The following ACTL6B variants were observed in gnomAD, a reference collection of about 807,000 sequenced individuals.
The protein encoded by ACTL6B is actin-like protein 6B.
Under a neutral mutation model 63.3 loss-of-function variants are expected in ACTL6B, and 48 were observed. The observed-to-expected ratio is 0.76, with a 90% CI of 0.60 to 0.96. The LOEUF (loss-of-function observed/expected upper bound fraction) is 0.96, where lower values mean the gene tolerates loss of function less well. Among genes scored for constraint, ACTL6B ranks in the 50% least tolerant of loss-of-function variants. The pLI is 0.00. For synonymous variants in ACTL6B, 230 were observed against 223.8 expected (o/e 1.03, Z -0.25); for missense variants, 350 against 572.2 (o/e 0.61, Z 3.96).
Position 100,648,884 on chromosome 7 carries a change from TC to T in ACTL6B, c.468-62del. 6.6e-7 allele frequency: 1 copy of T among 1,506,436 alleles called. No individual in the cohort carries two copies. Among genetic ancestry groups the T allele is most frequent in the Non-Finnish European group, 9.0e-7 (1 of 1,111,674 alleles). 93.3% of individuals were successfully genotyped at this position (1,506,436 alleles called of 1,614,324 possible). A position where few individuals can be genotyped will look rare whatever the true frequency, so the allele number is the denominator to read the frequency against. On this transcript the variant is annotated intron_variant, in intron 5 of 13. Coordinates refer to ENST00000160382, the MANE Select transcript of ACTL6B (RefSeq NM_016188.5). The surrounding 1 kb of genome is among the most constrained non-coding windows in gnomAD (Gnocchi z 4.4). ...AGCAAGTGAGGGGCCTGGGCCCAGA[TC>T]TTGTCTGGTCACTCTCTGCTCTACC...
intron 4 of ACTL6B, 42 bp from the exon 5 acceptor site, chr7:100,650,177 G>A (rs1424691193): frequency 6.3e-7 from 1 of 1,582,314 alleles, no homozygotes; most frequent in Admixed American, 1.7e-5. Flanking sequence ...GGAAGGGAGA[G>A]GCACAGACCC....
Position 100,655,021 on chromosome 7 carries a change from G to A in ACTL6B, c.367C>T (p.Pro123Ser). 1 of 1,613,604 alleles carries A rather than the reference G, an allele frequency of 6.2e-7. No homozygotes were observed. Among genetic ancestry groups the A allele is most frequent in the Non-Finnish European group, 8.5e-7 (1 of 1,179,676 alleles). Reference protein sequence around the residue: ...NLHPVLMSEAPWNTRAKREKL... With the variant: ...NLHPVLMSEASWNTRAKREKL... ...ATGAGGATGGAGGAGGCACTCACCG[G>A]AGCCTCGGACATGAGCACTGGGTGC... The change falls in exon 4 of 14, where the codon CCG (proline) becomes TCG (serine). Residue 123 changes from proline (P) to serine (S), a missense_variant and splice_region_variant. Transcript: ENST00000160382. This position sits in a 1 kb window ranked among gnomAD's most constrained non-coding sequence, Gnocchi z 4.4.
In ACTL6B at chr7:100,646,161, G is replaced by T; in HGVS notation, c.1200+88C>A. ...CTAAATGTTTGTTGAATGAATGAAT[G>T]AACGAAGAGGCAGTCAAAGTGGCGG... On this transcript the variant is annotated intron_variant, in intron 13 of 13. Transcript: ENST00000160382. The surrounding 1 kb of genome is among the most constrained non-coding windows in gnomAD (Gnocchi z 6.1). 3 of 1,094,668 alleles carry T rather than the reference G, an allele frequency of 2.7e-6. No homozygotes were observed. The highest frequency in any genetic ancestry group is 1.3e-5 in the South Asian group (1 of 76,822). 67.8% of individuals were successfully genotyped at this position (1,094,668 alleles called of 1,614,324 possible).
intron 4 of ACTL6B, among the ~76,000 whole-genome samples, chr7:100,650,757 T>C (rs1306445642): frequency 6.6e-6 from 1 of 150,658 alleles, no homozygotes; most frequent in East Asian, 1.9e-4. Context: ...GATTGGAACA[T>C]AAAGTGGAGG....
chr7:100,645,963 G>A (rs1405432117), intron 13 of ACTL6B, among the ~76,000 whole-genome samples: 1 of 152,128 alleles, frequency 6.6e-6, no homozygotes. Context: ...GTAGAGATGG[G>A]TCTTGCTATG....
rs1803753769 is a variant in ACTL6B, at chr7:100,643,181, A to G, written c.*65T>C. 8 of 1,423,706 alleles carry G rather than the reference A, an allele frequency of 5.6e-6. No homozygotes were observed. Among genetic ancestry groups the G allele is most frequent in the Non-Finnish European group, 6.9e-6 (7 of 1,009,540 alleles). The allele number at this position is 1,423,706 out of a possible 1,614,324, so 88.2% of individuals were successfully genotyped here. A position where few individuals can be genotyped will look rare whatever the true frequency, so the allele number is the denominator to read the frequency against. On this transcript the variant is annotated 3_prime_UTR_variant, in exon 14 of 14. Transcript: ENST00000160382. Reference sequence around the variant, plus strand: ...CAAGAGGGAAAGGAGGAGGGGGGCAATGTGGCATGGGGGTTAAGGGACTTC... The same window carrying G: ...CAAGAGGGAAAGGAGGAGGGGGGCAGTGTGGCATGGGGGTTAAGGGACTTC...
Position 100,648,861 on chromosome 7 carries a change from C to A in ACTL6B, c.468-38G>T. On this transcript the variant is annotated intron_variant, in intron 5 of 13. Transcript: ENST00000160382. The surrounding 1 kb of genome is among the most constrained non-coding windows in gnomAD (Gnocchi z 4.4). Reference sequence around the variant, plus strand: ...GGGTAAGTCAAAGAGACAGCAGCAGCAAGTGAGGGGCCTGGGCCCAGATCT... The same window carrying A: ...GGGTAAGTCAAAGAGACAGCAGCAGAAAGTGAGGGGCCTGGGCCCAGATCT... The A allele has an allele frequency of 6.3e-7, 1 of 1,587,594 alleles. No individual in the cohort carries two copies. Among genetic ancestry groups the A allele is most frequent in the South Asian group, 1.1e-5 (1 of 88,754 alleles).
chr7:100,655,281 A>G lies in ACTL6B; in HGVS notation c.268+140T>C. The G allele has an allele frequency of 8.0e-7, 1 of 1,244,962 alleles. No individual in the cohort carries two copies. Among genetic ancestry groups the G allele is most frequent in the Non-Finnish European group, 1.1e-6 (1 of 886,662 alleles). 77.1% of individuals were successfully genotyped at this position (1,244,962 alleles called of 1,614,324 possible). A position where few individuals can be genotyped will look rare whatever the true frequency, so the allele number is the denominator to read the frequency against. ...AACCTGGTGGGCCCCTGGGAAGGGA[A>G]CCCAGCGAGAAGAACCCTGGCAGCC... is the stretch of plus-strand genomic sequence containing the variant. On this transcript the variant is annotated intron_variant, in intron 3 of 13. Transcript: ENST00000160382. This position sits in a 1 kb window ranked among gnomAD's most constrained non-coding sequence, Gnocchi z 4.4.
At chr7:100,649,560 A>G (rs894276387) in intron 5 of ACTL6B, among the ~76,000 whole-genome samples, 1 of 152,142 alleles carries the variant, frequency 6.6e-6, no homozygotes, top group Non-Finnish European at 1.5e-5. Flanking sequence ...GGCCTCCCAA[A>G]ATGCTGGGAT....
At position 100,646,613 on chromosome 7, in the gene ACTL6B, TC is replaced by T; in HGVS notation, c.1050del (p.Asn351ThrfsTer25). 1.2e-6 allele frequency: 2 copies of T among 1,613,820 alleles called. No homozygotes were observed. The highest frequency in any genetic ancestry group is 1.7e-6 in the Non-Finnish European group (2 of 1,179,976). On this transcript the variant is annotated frameshift_variant, in exon 12 of 14. Transcript: ENST00000160382. LOFTEE classifies it high-confidence loss of function. This position sits in a 1 kb window ranked among gnomAD's most constrained non-coding sequence, Gnocchi z 6.1. ...GLYGSVIVTGGNTLLQGFTDR... is the reference protein window; with the variant it reads ...GLYGSVIVTGXNTLLQGFTDR... Reference sequence around the variant, plus strand: ...TCAGTGAAGCCCTGCAGCAGTGTGTTCCCGCCGGTGACAATGACACTCCCGT... The same window carrying T: ...TCAGTGAAGCCCTGCAGCAGTGTGTTCCGCCGGTGACAATGACACTCCCGT...
chr7:100,655,157 G>T lies in ACTL6B; in HGVS notation c.269-38C>A. 1 of 1,543,264 alleles carries T rather than the reference G, an allele frequency of 6.5e-7. No individual in the cohort carries two copies. On this transcript the variant is annotated intron_variant, in intron 3 of 13. Coordinates refer to ENST00000160382, the MANE Select transcript of ACTL6B (RefSeq NM_016188.5). The surrounding 1 kb of genome is among the most constrained non-coding windows in gnomAD (Gnocchi z 4.4). Reference sequence around the variant, plus strand: ...GAGCAGCGTGCAGAGACGCAAGAAGGCAGGCAGGGGACAGGGACAGGAAGA... The same window carrying T: ...GAGCAGCGTGCAGAGACGCAAGAAGTCAGGCAGGGGACAGGGACAGGAAGA...
chr7:100,643,456 C>A (rs1217989283), intron 13 of ACTL6B, 130 bp from the exon 14 acceptor site: 2 of 759,928 alleles, frequency 2.6e-6, no homozygotes, highest in Non-Finnish European at 4.5e-6. Context: ...GAAGCCCCTC[C>A]CCACCTCATC....
chr7:100,655,733 C>G lies in ACTL6B; in HGVS notation c.102+70G>C. 6.5e-7 allele frequency: 1 copy of G among 1,531,388 alleles called. No individual in the cohort carries two copies. Among genetic ancestry groups the G allele is most frequent in the South Asian group, 1.2e-5 (1 of 82,298 alleles). 94.9% of individuals were successfully genotyped at this position (1,531,388 alleles called of 1,614,324 possible). The stretch of plus-strand genomic sequence containing the variant: ...AGCTTCTGGGCGATCTGGGAGAGCC[C>G]TGGGTCACTGGAAAGCCTGAAGAAG... On this transcript the variant is annotated intron_variant, in intron 2 of 13. Transcript: ENST00000160382. This position sits in a 1 kb window ranked among gnomAD's most constrained non-coding sequence, Gnocchi z 4.4.
At position 100,656,440 on chromosome 7, in the gene ACTL6B, G is replaced by A; in HGVS notation, c.-86C>T. 3 of 1,247,790 alleles carry A rather than the reference G, an allele frequency of 2.4e-6. No homozygotes were observed. The highest frequency in any genetic ancestry group is 3.0e-6 in the Non-Finnish European group (3 of 989,848). 77.3% of individuals were successfully genotyped at this position (1,247,790 alleles called of 1,614,324 possible). ...GACAGCTCCCGGGATCCCTGGCGGG[G>A]CGGGACTCTCAGCGGCCAATTGGGA... On this transcript the variant is annotated 5_prime_UTR_variant, in exon 1 of 14. Transcript: ENST00000160382.
At chr7:100,654,148 A>G (rs1414632609) in intron 4 of ACTL6B, among the ~76,000 whole-genome samples, 2 of 151,610 alleles carry the variant, frequency 1.3e-5, no homozygotes, top group African/African-American at 4.8e-5. Flanking sequence ...AATTTTTTGT[A>G]TTTTTAGTAG....
chr7:100,644,672 T>G (rs1803789336), intron 13 of ACTL6B, among the ~76,000 whole-genome samples: 1 of 151,766 alleles, frequency 6.6e-6, no homozygotes, highest in African/African-American at 2.4e-5. Flanking sequence ...GTCTAGAAAT[T>G]TTGGGCTCAA....
chr7:100,647,693 G>A lies in ACTL6B; in HGVS notation c.670-160C>T. On this transcript the variant is annotated intron_variant, in intron 7 of 13. Coordinates refer to ENST00000160382, the MANE Select transcript of ACTL6B (RefSeq NM_016188.5). This position sits in a 1 kb window ranked among gnomAD's most constrained non-coding sequence, Gnocchi z 4.4. ...ACCCTTCCCTGATGGAGAGGAGAGA[G>A]AATGGGGCATGCCTCTCTCTCCATG... is the stretch of plus-strand genomic sequence containing the variant. 1.7e-6 allele frequency: 1 copy of A among 593,138 alleles called. No individual in the cohort carries two copies. Among genetic ancestry groups the A allele is most frequent in the Non-Finnish European group, 3.0e-6 (1 of 335,272 alleles). 36.7% of individuals were successfully genotyped at this position (593,138 alleles called of 1,614,324 possible).
At position 100,655,422 on chromosome 7, in the gene ACTL6B, C is replaced by A; in HGVS notation, c.267G>T (p.Met89Ile). Reference protein sequence around the residue: ...AEVMSPLKNGMIEDWECFRAI... With the variant: ...AEVMSPLKNGIIEDWECFRAI... ...AGGTGATGGGTGGGGGCCCCTTACT[C>A]ATGCCATTCTTGAGGGGCGACATGA... The change falls in exon 3 of 14, where the codon ATG becomes ATT. Residue 89 changes from methionine to isoleucine, a missense_variant and splice_region_variant. Physicochemically the swap from Met to Ile is conservative, Grantham distance 10 (BLOSUM62 1). This residue lies in a region of ACTL6B where 250 missense variants were observed against 364.7 expected (regional missense o/e 0.69). Coordinates refer to ENST00000160382, the MANE Select transcript of ACTL6B (RefSeq NM_016188.5). This position sits in a 1 kb window ranked among gnomAD's most constrained non-coding sequence, Gnocchi z 4.4. The A allele has an allele frequency of 6.2e-7, 1 of 1,613,622 alleles. No homozygotes were observed. Among genetic ancestry groups the A allele is most frequent in the Non-Finnish European group, 8.5e-7 (1 of 1,179,696 alleles).
chr7:100,655,366 A>G lies in ACTL6B; in HGVS notation c.268+55T>C. 2 of 1,577,580 alleles carry G rather than the reference A, an allele frequency of 1.3e-6. No individual in the cohort carries two copies. The highest frequency in any genetic ancestry group is 1.7e-6 in the Non-Finnish European group (2 of 1,159,740). ...GGGAGTGGGGGCTGCTATGACCCAG[A>G]TTGTGGGGAGCGGGCTCCTTTTCTG... On this transcript the variant is annotated intron_variant, in intron 3 of 13. Transcript: ENST00000160382. This position sits in a 1 kb window ranked among gnomAD's most constrained non-coding sequence, Gnocchi z 4.4.
Sources: allele counts gnomAD v4.1 joint callset (sites outside exome capture counted in the v4.1 genomes callset), GRCh38; gene constraint gnomAD v4.1.1; regional missense constraint gnomAD v4.1.1; non-coding constraint Gnocchi (gnomAD v3.1); transcripts MANE v1.5; gene names NCBI Gene and HGNC (gene_info 2026-07-23, HGNC 2026-07-21).